The following PBX3 variants were observed in gnomAD, a reference collection of about 807,000 sequenced individuals.
PBX3 encodes the protein PBX homeobox 3, also known as pre-B-cell leukemia transcription factor 3.
Under a neutral mutation model 48.5 loss-of-function variants are expected in PBX3, and 14 were observed. The ratio of observed to expected loss-of-function variants is 0.29; its 90% CI spans 0.19 to 0.45. PBX3 has a LOEUF of 0.45. Ranked by LOEUF, PBX3 falls within the 20% of genes least tolerant of loss-of-function variation. The pLI is 1.00. For missense variants in PBX3, 386 were observed against 546.7 expected (o/e 0.71, Z 2.93); for synonymous variants, 210 against 200.3 (o/e 1.05, Z -0.41).
At chr9:125,749,903 G>T (rs1371400361) in intron 2 of PBX3, among the ~76,000 whole-genome samples, 1 of 152,192 alleles carries the variant, frequency 6.6e-6, no homozygotes, top group African/African-American at 2.4e-5. Context: ...AGGCCAAAGA[G>T]TACTTTTCCT....
chr9:125,931,395 C>G (rs1841710787), intron 4 of PBX3, among the ~76,000 whole-genome samples: 1 of 152,134 alleles, frequency 6.6e-6, no homozygotes, highest in South Asian at 2.1e-4. Flanking sequence ...CTCGACATCC[C>G]ATGCTCGAGT....
intron 2 of PBX3, among the ~76,000 whole-genome samples, chr9:125,893,101 C>T (rs1485959089): frequency 6.6e-6 from 1 of 152,078 alleles, no homozygotes; most frequent in Non-Finnish European, 1.5e-5. Flanking sequence ...TGCAACCTAC[C>T]CAATGGATAG....
intron 2 of PBX3, among the ~76,000 whole-genome samples, chr9:125,771,402 A>T (rs73667057): frequency 6.6e-6 from 1 of 152,220 alleles, no homozygotes; most frequent in Non-Finnish European, 1.5e-5. Flanking sequence ...GCTAAAATGC[A>T]TAGCAGACAT....
At chr9:125,752,530 A>G (rs1486037005) in intron 2 of PBX3, among the ~76,000 whole-genome samples, 4 of 152,222 alleles carry the variant, frequency 2.6e-5, no homozygotes, top group Non-Finnish European at 5.9e-5. Context: ...CTTTATTGCT[A>G]GAAGTGTGAC....
At chr9:125,808,173 AGTGGTCTATGTGGGG>A (rs1368211815) in intron 2 of PBX3, among the ~76,000 whole-genome samples, 2 of 152,196 alleles carry the variant, frequency 1.3e-5, no homozygotes, top group Middle Eastern at 3.2e-3. Context: ...TTTCCTAAGG[AGTGGTCTATGTGGGG>A]AAACAATTTT....
At chr9:125,860,486 T>A (rs144796054) in intron 2 of PBX3, among the ~76,000 whole-genome samples, 265 of 152,316 alleles carry the variant, frequency 1.7e-3, no homozygotes, top group African/African-American at 6.1e-3. Context: ...ATTTGGATAG[T>A]TGTAAAATCT....
chr9:125,889,510 A>G (rs2132378854), intron 2 of PBX3, among the ~76,000 whole-genome samples: 1 of 152,298 alleles, frequency 6.6e-6, no homozygotes, highest in East Asian at 1.9e-4. Flanking sequence ...TTTTGTTCTC[A>G]GTCACCTTGA....
intron 2 of PBX3, among the ~76,000 whole-genome samples, chr9:125,788,426 C>G (rs769125090): frequency 6.6e-6 from 1 of 152,156 alleles, no homozygotes; most frequent in Non-Finnish European, 1.5e-5. Context: ...AAGAAAATAT[C>G]AGAACTTCTA....
At chr9:125,830,583 G>A (rs1307512117) in intron 2 of PBX3, among the ~76,000 whole-genome samples, 1 of 152,030 alleles carries the variant, frequency 6.6e-6, no homozygotes, top group East Asian at 1.9e-4. Flanking sequence ...CTATACAGAA[G>A]CCTTTGCTAT....
At chr9:125,926,306 G>C (rs1382634919) in intron 3 of PBX3, among the ~76,000 whole-genome samples, 1 of 151,746 alleles carries the variant, frequency 6.6e-6, no homozygotes, top group Non-Finnish European at 1.5e-5. Context: ...GATCACTTGA[G>C]GTCAGGAGTT....
intron 3 of PBX3, among the ~76,000 whole-genome samples, chr9:125,929,194 A>G (rs1454371756): frequency 1.3e-5 from 2 of 151,948 alleles, no homozygotes; most frequent in Non-Finnish European, 2.9e-5. Context: ...ATTTTTTCTC[A>G]CCAAAGGCCA....
At chr9:125,765,442 G>A (rs1282112805) in intron 2 of PBX3, among the ~76,000 whole-genome samples, 1 of 151,966 alleles carries the variant, frequency 6.6e-6, no homozygotes, top group African/African-American at 2.4e-5. Flanking sequence ...GAGGCACAGC[G>A]CCCGACCAAG....
intron 2 of PBX3, among the ~76,000 whole-genome samples, chr9:125,791,263 T>C (rs2132063019): frequency 6.6e-6 from 1 of 151,856 alleles, no homozygotes; most frequent in Non-Finnish European, 1.5e-5. Flanking sequence ...CTAATAATTG[T>C]AGTACACATA....
In PBX3 at chr9:125,778,605, CT is replaced by C. The variant is rs138965100; in HGVS notation, c.274+29996del. Among the ~76,000 whole-genome samples the C allele has an allele frequency of 8.5e-3, 1,133 of 132,886 alleles. 8 individuals are homozygous for C. Among genetic ancestry groups the C allele is most frequent in the African/African-American group, 0.023 (815 of 35,456 alleles). 87.2% of individuals were successfully genotyped at this position (132,886 alleles called of 152,430 possible). ...AGTTTATCAATTTTGTTGATCTTTT[CT>C]TTTTTTTTTTTTTCATATTTTCTAT... On this transcript the variant is annotated intron_variant, in intron 2 of 8. Coordinates refer to ENST00000373489, the MANE Select transcript of PBX3 (RefSeq NM_006195.6).
At chr9:125,912,756 T>A (rs1156419720) in intron 2 of PBX3, among the ~76,000 whole-genome samples, 1 of 152,186 alleles carries the variant, frequency 6.6e-6, no homozygotes, top group Non-Finnish European at 1.5e-5. Flanking sequence ...ACAATCAAAT[T>A]TTAAATGATT....
intron 2 of PBX3, among the ~76,000 whole-genome samples, chr9:125,813,923 G>A (rs1010501864): frequency 5.4e-5 from 8 of 148,546 alleles, no homozygotes; most frequent in Non-Finnish European, 1.2e-4. Context: ...CCAAAACTTT[G>A]GGAGGCCAAA....
At chr9:125,853,035 C>A (rs1297704104) in intron 2 of PBX3, among the ~76,000 whole-genome samples, 2 of 151,262 alleles carry the variant, frequency 1.3e-5, no homozygotes, top group African/African-American at 4.9e-5. Flanking sequence ...TAAAAACATT[C>A]TTTTTCTCAA....
chr9:125,884,574 C>T (rs1054049407), intron 2 of PBX3, among the ~76,000 whole-genome samples: 10 of 152,142 alleles, frequency 6.6e-5, no homozygotes, highest in Admixed American at 2.6e-4. Flanking sequence ...TTACTAGTTG[C>T]CTTTCCCAGT....
intron 2 of PBX3, among the ~76,000 whole-genome samples, chr9:125,851,666 G>A (rs1024389045): frequency 5.9e-5 from 9 of 152,010 alleles, no homozygotes; most frequent in Admixed American, 5.9e-4. Context: ...GCAGTTTACT[G>A]TAGTTTGTTG....
Sources: gnomAD v4.1 joint callset for allele counts (sites outside exome capture counted in the v4.1 genomes callset) on GRCh38, gnomAD v4.1.1 for gene constraint, MANE v1.5 for transcripts, NCBI Gene and HGNC (gene_info 2026-07-23, HGNC 2026-07-21) for gene names.